The following SV2B variants were observed in gnomAD, a reference collection of about 807,000 sequenced individuals.
SV2B encodes the protein synaptic vesicle glycoprotein 2B.
Under a neutral mutation model 73.9 loss-of-function variants are expected in SV2B, and 41 were observed. The ratio of observed to expected loss-of-function variants is 0.56; its 90% CI spans 0.43 to 0.72. The LOEUF (loss-of-function observed/expected upper bound fraction) is 0.72. SV2B is among the 30% of genes least tolerant of loss of function. The pLI is 0.00. For synonymous variants in SV2B, 314 were observed against 314.2 expected (o/e 1.00, Z 0.01); for missense variants, 764 against 857.8 (o/e 0.89, Z 1.37).
At chr15:91,125,324 T>C (rs1454165268) in intron 1 of SV2B, among the ~76,000 whole-genome samples, 1 of 152,164 alleles carries the variant, frequency 6.6e-6, no homozygotes, top group African/African-American at 2.4e-5. Context: ...TAAACACTTG[T>C]TGAGTTTCTG....
intron 1 of SV2B, among the ~76,000 whole-genome samples, chr15:91,114,067 C>T (rs2042109003): frequency 6.6e-6 from 1 of 151,816 alleles, no homozygotes; most frequent in Non-Finnish European, 1.5e-5. Context: ...TAAAGAGACC[C>T]CAGCTACTCG....
At position 91,124,299 on chromosome 15, in the gene SV2B, T is replaced by C. The variant is rs1016679976; in HGVS notation, c.-392+23936T>C. ...TTAGTTTTTGTGTCTGTGGTGCCAG[T>C]GGTGTTTCCTTCTGTGAGGCACGAC... On this transcript the variant is annotated intron_variant, in intron 1 of 12. Transcript: ENST00000394232. The surrounding 1 kb of genome is among the most constrained non-coding windows in gnomAD (Gnocchi z 4.6). 2.0e-5 allele frequency among the ~76,000 whole-genome samples: 3 copies of C among 152,160 alleles called. No homozygotes were observed. Among genetic ancestry groups the C allele is most frequent in the Non-Finnish European group, 2.9e-5 (2 of 68,048 alleles).
At chr15:91,188,834 A>G (rs961432272) in intron 1 of SV2B, among the ~76,000 whole-genome samples, 4 of 151,426 alleles carry the variant, frequency 2.6e-5, no homozygotes, top group African/African-American at 9.7e-5. Context: ...TTATTAATTT[A>G]TTTATTTTTG....
rs143497362 is a variant in SV2B at position 91,233,131 on chromosome 15, C to T, written c.451+6417C>T. ...CCGTTGATGGGCACTTATGTTGATT[C>T]GACGTTAAAGACCCTTTTGACTCTA... is the stretch of plus-strand genomic sequence containing the variant. On this transcript the variant is annotated intron_variant, in intron 2 of 12. Coordinates refer to ENST00000394232, the MANE Select transcript of SV2B (RefSeq NM_001323032.3). Among the ~76,000 whole-genome samples the T allele has an allele frequency of 6.1e-4, 93 of 152,116 alleles. 1 individual carries two copies. The East Asian group carries it at 9.5e-3, about 15-fold the overall frequency.
In SV2B at chr15:91,241,097, T is replaced by A. The variant is rs1284924807; in HGVS notation, c.452-10722T>A. 6.6e-6 allele frequency among the ~76,000 whole-genome samples: 1 copy of A among 152,234 alleles called. No homozygotes were observed. The highest frequency in any genetic ancestry group is 1.5e-5 in the Non-Finnish European group (1 of 68,040). ...CACGGTCACATTCCAACCATCTCTC[T>A]ATTATTGTCCTTGGAGATTTTAATA... On this transcript the variant is annotated intron_variant, in intron 2 of 12. Transcript: ENST00000394232. This position sits in a 1 kb window ranked among gnomAD's most constrained non-coding sequence, Gnocchi z 4.8.
At chr15:91,287,586 G>C (rs552008109) in intron 11 of SV2B, among the ~76,000 whole-genome samples, 1 of 152,192 alleles carries the variant, frequency 6.6e-6, no homozygotes, top group Non-Finnish European at 1.5e-5. Context: ...TCTCCTATCA[G>C]CTCTATAAGG....
intron 1 of SV2B, among the ~76,000 whole-genome samples, chr15:91,187,365 G>A (rs752562980): frequency 1.3e-5 from 2 of 152,114 alleles, no homozygotes; most frequent in Non-Finnish European, 2.9e-5. Context: ...ACATTTAATC[G>A]ATAATTTTTT....
chr15:91,258,100 G>A lies in SV2B; in HGVS notation c.785-321G>A, dbSNP rs962804580. On this transcript the variant is annotated intron_variant, in intron 4 of 12. Coordinates refer to ENST00000394232, the MANE Select transcript of SV2B (RefSeq NM_001323032.3). This position sits in a 1 kb window ranked among gnomAD's most constrained non-coding sequence, Gnocchi z 4.7. The stretch of plus-strand genomic sequence containing the variant: ...GAGATACGGGCTATTGTTTCTGTTT[G>A]TACTCTTATCCGAGGCTCTGTAAAT... Among the ~76,000 whole-genome samples the A allele has an allele frequency of 6.6e-6, 1 of 152,162 alleles. No individual in the cohort carries two copies.
intron 1 of SV2B, among the ~76,000 whole-genome samples, chr15:91,194,945 G>A (rs932852031): frequency 6.6e-6 from 1 of 152,014 alleles, no homozygotes. Context: ...TCATTTCCTC[G>A]GCCATGATGA....
intron 2 of SV2B, among the ~76,000 whole-genome samples, chr15:91,249,747 C>T (rs2047408101): frequency 6.6e-6 from 1 of 152,162 alleles, no homozygotes; most frequent in African/African-American, 2.4e-5. Context: ...TTGCACACAA[C>T]CAGTTGTGTA....
rs1422438906 is a variant in SV2B, at chr15:91,110,014, T to G, written c.-392+9651T>G. On this transcript the variant is annotated intron_variant, in intron 1 of 12. Transcript: ENST00000394232. The surrounding 1 kb of genome is among the most constrained non-coding windows in gnomAD (Gnocchi z 5.4). ...TGCTGGGATTACAGGCATGAACCAC[T>G]GCATCCACCTCGGAAATAGCTTATT... Among the ~76,000 whole-genome samples, 1 of 152,174 alleles carries G rather than the reference T, an allele frequency of 6.6e-6. No individual in the cohort carries two copies. The highest frequency in any genetic ancestry group is 1.5e-5 in the Non-Finnish European group (1 of 68,028).
chr15:91,129,240 C>T lies in SV2B; in HGVS notation c.-392+28877C>T, dbSNP rs2042573891. Among the ~76,000 whole-genome samples, 1 of 152,200 alleles carries T rather than the reference C, an allele frequency of 6.6e-6. No homozygotes were observed. The highest frequency in any genetic ancestry group is 2.1e-4 in the South Asian group (1 of 4,836). On this transcript the variant is annotated intron_variant, in intron 1 of 12. Coordinates refer to ENST00000394232, the MANE Select transcript of SV2B (RefSeq NM_001323032.3). This position sits in a 1 kb window ranked among gnomAD's most constrained non-coding sequence, Gnocchi z 5.1. ...CAGAAATGAGTAGGTCAAAGATATCCAACCTTAAGAAAGTTAGAGTCAAGT... is the reference window on the plus strand; with the variant it reads ...CAGAAATGAGTAGGTCAAAGATATCTAACCTTAAGAAAGTTAGAGTCAAGT...
intron 1 of SV2B, among the ~76,000 whole-genome samples, chr15:91,116,966 C>T (rs762381613): frequency 1.2e-4 from 19 of 152,240 alleles, no homozygotes; most frequent in Non-Finnish European, 2.6e-4. Flanking sequence ...GAAAAACCTG[C>T]CCCCATGATT....
At chr15:91,151,906 C>T (rs1212619259) in intron 1 of SV2B, among the ~76,000 whole-genome samples, 1 of 152,068 alleles carries the variant, frequency 6.6e-6, no homozygotes, top group African/African-American at 2.4e-5. Flanking sequence ...TTTCAGGATG[C>T]AAGAAAACAG....
At chr15:91,254,802 T>C (rs1416425891) in intron 4 of SV2B, among the ~76,000 whole-genome samples, 3 of 152,190 alleles carry the variant, frequency 2.0e-5, no homozygotes, top group African/African-American at 4.8e-5. Flanking sequence ...AAGATAATTC[T>C]AGTACTCAGA....
rs1567443057 is a variant in SV2B at position 91,292,814 on chromosome 15, G to T, written c.*262G>T. ...GTCTTCCCAGTCCAAGGCAGGGAGA[G>T]GATTCTCCAGTGAGTGCACACACTA... On this transcript the variant is annotated 3_prime_UTR_variant, in exon 13 of 13. Transcript: ENST00000394232. 1 of 372,266 alleles carries T rather than the reference G, an allele frequency of 2.7e-6. No individual in the cohort carries two copies. The highest frequency in any genetic ancestry group is 4.8e-6 in the Non-Finnish European group (1 of 208,032). 23.1% of individuals were successfully genotyped at this position (372,266 alleles called of 1,614,324 possible).
chr15:91,198,803 C>T (rs904504099), intron 1 of SV2B, among the ~76,000 whole-genome samples: 1 of 152,124 alleles, frequency 6.6e-6, no homozygotes, highest in Non-Finnish European at 1.5e-5. Flanking sequence ...AACTTGGCCT[C>T]GACCCAGAGT....
rs10637206 is a variant in SV2B at position 91,134,004 on chromosome 15, C to CTTTTTTTTTTTTTTTTTTTTTT, written c.-392+33653_-392+33654insTTTTTTTTTTTTTTTTTTTTTT. Among the ~76,000 whole-genome samples the CTTTTTTTTTTTTTTTTTTTTTT allele has an allele frequency of 2.3e-3, 245 of 106,162 alleles. 23 individuals are homozygous for CTTTTTTTTTTTTTTTTTTTTTT. Among genetic ancestry groups the CTTTTTTTTTTTTTTTTTTTTTT allele is most frequent in the Middle Eastern group, 6.1e-3 (1 of 164 alleles). The allele number at this position is 106,162 out of a possible 152,430, so 69.6% of individuals were successfully genotyped here. On this transcript the variant is annotated intron_variant, in intron 1 of 12. Transcript: ENST00000394232. ...TGCCTCTTCACCACTTTCTTTCTTC[C>CTTTTTTTTTTTTTTTTTTTTTT]TTTTTTTTTTTTGAGATGGAGTCTT...
intron 7 of SV2B, 90 bp downstream of exon 7, chr15:91,266,782 C>A: frequency 9.3e-7 from 1 of 1,071,028 alleles, no homozygotes; most frequent in South Asian, 1.6e-5. Flanking sequence ...TGAACATCCC[C>A]ACCAACCTGG....
Sources: gnomAD v4.1 joint callset for allele counts (sites outside exome capture counted in the v4.1 genomes callset) on GRCh38, gnomAD v4.1.1 for gene constraint, Gnocchi (gnomAD v3.1) non-coding constraint, MANE v1.5 for transcripts, NCBI Gene and HGNC (gene_info 2026-07-23, HGNC 2026-07-21) for gene names.